The following COMMD8 variants were observed in gnomAD, a reference collection of about 807,000 sequenced individuals.
COMMD8 encodes the protein COMM domain-containing protein 8.
Under a neutral mutation model 27.2 loss-of-function variants are expected in COMMD8, and 28 were observed. The observed-to-expected ratio is 1.03, with a 90% CI of 0.76 to 1.41. The LOEUF (loss-of-function observed/expected upper bound fraction) is 1.41, where lower values mean the gene tolerates loss of function less well. Among genes scored for constraint, COMMD8 ranks in the 40% most tolerant of loss-of-function variants. The pLI is 0.00. For synonymous variants in COMMD8, 79 were observed against 75.5 expected (o/e 1.05, Z -0.24); for missense variants, 217 against 211.2 (o/e 1.03, Z -0.17).
chr4:47,452,904 G>A (rs1240689112), intron 4 of COMMD8, among the ~76,000 whole-genome samples, 155 bp downstream of exon 4: 1 of 152,168 alleles, frequency 6.6e-6, no homozygotes, highest in African/African-American at 2.4e-5. Context: ...GCTCAGGCAC[G>A]AGAATCGCTT....
intron 3 of COMMD8, among the ~76,000 whole-genome samples, chr4:47,454,562 C>A (rs1269379975): frequency 1.3e-5 from 2 of 152,148 alleles, no homozygotes. Context: ...AGCACCATCT[C>A]TTGCTTGAAG....
intron 3 of COMMD8, among the ~76,000 whole-genome samples, chr4:47,454,565 G>C (rs1341971566): frequency 6.6e-6 from 1 of 152,104 alleles, no homozygotes; most frequent in Admixed American, 6.5e-5. Flanking sequence ...ACCATCTCTT[G>C]CTTGAAGAAC....
chr4:47,463,686 A>C lies in COMMD8; in HGVS notation c.-35T>G. ...AAGCTGGGGCTTGGGTCACGTGTCA[A>C]GGCTGGCCGCTTGTCTAAAGCTACG... On this transcript the variant is annotated 5_prime_UTR_variant, in exon 1 of 5. Coordinates refer to ENST00000381571, the MANE Select transcript of COMMD8 (RefSeq NM_017845.5). 1 of 1,529,718 alleles carries C rather than the reference A, an allele frequency of 6.5e-7. No homozygotes were observed. The highest frequency in any genetic ancestry group is 8.8e-7 in the Non-Finnish European group (1 of 1,135,906). The allele number at this position is 1,529,718 out of a possible 1,614,324, so 94.8% of individuals were successfully genotyped here.
intron 2 of COMMD8, 99 bp downstream of exon 2, chr4:47,460,045 T>C: frequency 1.1e-6 from 1 of 902,128 alleles, no homozygotes; most frequent in Non-Finnish European, 1.7e-6. Context: ...TATTTGTTGT[T>C]ACTGATGATA....
intron 4 of COMMD8, among the ~76,000 whole-genome samples, chr4:47,452,080 T>C (rs1321923095): frequency 6.6e-6 from 1 of 152,210 alleles, no homozygotes. Flanking sequence ...ACTTAATCAC[T>C]GAGATGAGAT....
chr4:47,461,355 A>C (rs111683986), intron 1 of COMMD8, among the ~76,000 whole-genome samples: 25 of 152,198 alleles, frequency 1.6e-4, no homozygotes, highest in African/African-American at 6.0e-4. Flanking sequence ...ATTTTAACTA[A>C]TAACTCCTTC....
intron 4 of COMMD8, 117 bp downstream of exon 4, chr4:47,452,942 G>A (rs550276528): frequency 3.8e-6 from 3 of 788,766 alleles, no homozygotes; most frequent in African/African-American, 3.5e-5. Flanking sequence ...GTTGCAGTGA[G>A]CCGAGTTCGC....
intron 2 of COMMD8, among the ~76,000 whole-genome samples, chr4:47,458,571 T>C (rs902260579): frequency 6.6e-6 from 1 of 152,154 alleles, no homozygotes; most frequent in African/African-American, 2.4e-5. Flanking sequence ...TATCCCATGT[T>C]CTTAACTTTG....
Position 47,451,355 on chromosome 4 carries a change from T to C in COMMD8, c.*290A>G, listed in dbSNP as rs372954871. The C allele has an allele frequency of 5.7e-6, 2 of 353,350 alleles. No homozygotes were observed. Among genetic ancestry groups the C allele is most frequent in the Non-Finnish European group, 5.1e-6 (1 of 195,360 alleles). 21.9% of individuals were successfully genotyped at this position (353,350 alleles called of 1,614,324 possible). On this transcript the variant is annotated 3_prime_UTR_variant, in exon 5 of 5. Transcript: ENST00000381571. ...ACCTATTTTTAGCTTTCAATAAAACTATGTATCTCCAAAGATTTCTCAAAT... is the reference window on the plus strand; with the variant it reads ...ACCTATTTTTAGCTTTCAATAAAACCATGTATCTCCAAAGATTTCTCAAAT...
At chr4:47,462,061 A>T (rs1286527532) in intron 1 of COMMD8, among the ~76,000 whole-genome samples, 1 of 152,140 alleles carries the variant, frequency 6.6e-6, no homozygotes, top group Non-Finnish European at 1.5e-5. Flanking sequence ...ACAGGAGACA[A>T]GGCTGGAGAG....
chr4:47,460,321 A>C (rs774131707), intron 1 of COMMD8, 22 bp from the exon 2 acceptor site: 1 of 1,600,342 alleles, frequency 6.2e-7, no homozygotes, highest in South Asian at 1.1e-5. Flanking sequence ...AAAGGAAATA[A>C]ATGTACTTAT....
intron 3 of COMMD8, among the ~76,000 whole-genome samples, chr4:47,455,007 CTTTA>C (rs1331804629): frequency 3.3e-5 from 5 of 151,730 alleles, no homozygotes; most frequent in South Asian, 2.1e-4. Context: ...CTCTCTTATC[CTTTA>C]TTTATTTATT....
At chr4:47,459,997 T>C in intron 2 of COMMD8, 147 bp downstream of exon 2, 1 of 581,016 alleles carries the variant, frequency 1.7e-6, no homozygotes, top group Non-Finnish European at 2.8e-6. Context: ...TGCAAAAACC[T>C]AGGACTTCCA....
intron 1 of COMMD8, among the ~76,000 whole-genome samples, chr4:47,461,115 T>C (rs1471068939): frequency 6.6e-6 from 1 of 152,202 alleles, no homozygotes; most frequent in Non-Finnish European, 1.5e-5. Context: ...GGCATCTTCC[T>C]GGCATGTACA....
At chr4:47,458,195 C>A (rs1357641755) in intron 2 of COMMD8, among the ~76,000 whole-genome samples, 2 of 151,840 alleles carry the variant, frequency 1.3e-5, no homozygotes, top group Non-Finnish European at 2.9e-5. Flanking sequence ...CACTTTCTCC[C>A]TAAGGTTAGG....
At chr4:47,459,883 G>A (rs1055690922) in intron 2 of COMMD8, 10 of 296,294 alleles carry the variant, frequency 3.4e-5, no homozygotes, top group African/African-American at 1.5e-4. Flanking sequence ...GTTAACACCT[G>A]TTTAACTGGT....
rs577979525 is a variant in COMMD8 at position 47,456,200 on chromosome 4, T to A, written c.375+377A>T. 1.1e-4 allele frequency among the ~76,000 whole-genome samples: 17 copies of A among 149,996 alleles called. No homozygotes were observed. In the South Asian group the frequency reaches 3.6e-3, roughly 32 times the overall value. On this transcript the variant is annotated intron_variant, in intron 3 of 4. Coordinates refer to ENST00000381571, the MANE Select transcript of COMMD8 (RefSeq NM_017845.5). ...AGGCAGAAGTTGCAGTAAGCTGAGA[T>A]CGCACCATTGCACTCCAGCCTAGAT...
intron 3 of COMMD8, among the ~76,000 whole-genome samples, chr4:47,453,638 G>T: frequency 6.6e-6 from 1 of 152,140 alleles, no homozygotes; most frequent in African/African-American, 2.4e-5. Context: ...TTCATGGTCA[G>T]CTATCTATCA....
intron 3 of COMMD8, among the ~76,000 whole-genome samples, chr4:47,455,246 C>A (rs955915999): frequency 1.1e-4 from 16 of 152,096 alleles, no homozygotes; most frequent in African/African-American, 3.4e-4. Flanking sequence ...AAACTCCTGG[C>A]CTCAAGTGAT....
Sources: allele counts gnomAD v4.1 joint callset (sites outside exome capture counted in the v4.1 genomes callset), GRCh38; gene constraint gnomAD v4.1.1; transcripts MANE v1.5; gene names NCBI Gene and HGNC (gene_info 2026-07-23, HGNC 2026-07-21).